ARHGAP5: variants seen among roughly 807,000 people sequenced by gnomAD.
ARHGAP5 encodes the protein rho GTPase-activating protein 5.
ARHGAP5 carries 23 observed loss-of-function variants against 116.6 expected under a neutral mutation model. That is an observed-to-expected ratio of 0.20 (90% CI 0.14 to 0.28). The LOEUF is 0.28. Among genes scored for constraint, ARHGAP5 ranks in the 10% least tolerant of loss-of-function variants. ARHGAP5 has a pLI of 1.00. For missense variants in ARHGAP5, 1,405 were observed against 1,774.8 expected (o/e 0.79, Z 3.74); for synonymous variants, 574 against 602.0 (o/e 0.95, Z 0.68).
At chr14:32,095,939 GT>G (rs1041609674) in intron 2 of ARHGAP5, among the ~76,000 whole-genome samples, 10 of 149,914 alleles carry the variant, frequency 6.7e-5, no homozygotes, top group African/African-American at 1.5e-4. Context: ...TTATTTTTGT[GT>G]TTTTTTTTCC....
At position 32,152,547 on chromosome 14, in the gene ARHGAP5, G is replaced by C. The variant is rs372548215; in HGVS notation, c.4181+19G>C. Reference sequence around the variant, plus strand: ...TAAACAGGTATTTTTATTTTTTTAGGGTTTTTTGGCAAATAAAATGCACTA... The same window carrying C: ...TAAACAGGTATTTTTATTTTTTTAGCGTTTTTTGGCAAATAAAATGCACTA... On this transcript the variant is annotated intron_variant, in intron 6 of 6. Coordinates refer to ENST00000345122, the MANE Select transcript of ARHGAP5 (RefSeq NM_001030055.2). The C allele has an allele frequency of 3.2e-5, 46 of 1,421,918 alleles. No homozygotes were observed. The highest frequency in any genetic ancestry group is 3.8e-5 in the Non-Finnish European group (40 of 1,049,456). The allele number at this position is 1,421,918 out of a possible 1,614,324, so 88.1% of individuals were successfully genotyped here.
intron 3 of ARHGAP5, among the ~76,000 whole-genome samples, chr14:32,141,317 C>G (rs1017339058): frequency 6.6e-6 from 1 of 152,082 alleles, no homozygotes; most frequent in African/African-American, 2.4e-5. Context: ...AGTCATTACC[C>G]TGCAGATTAC....
intron 2 of ARHGAP5, among the ~76,000 whole-genome samples, chr14:32,110,929 G>A (rs1398022022): frequency 6.6e-6 from 1 of 152,200 alleles, no homozygotes; most frequent in Non-Finnish European, 1.5e-5. Flanking sequence ...GATGGAGAAG[G>A]CTGCAGATAG....
rs189453295 is a variant in ARHGAP5, at chr14:32,086,567, G to A, written c.-168-3935G>A. Among the ~76,000 whole-genome samples, 25 of 150,612 alleles carry A rather than the reference G, an allele frequency of 1.7e-4. No individual in the cohort carries two copies. In the East Asian group the frequency reaches 4.2e-3, roughly 26 times the overall value. The stretch of plus-strand genomic sequence containing the variant: ...AAGATAGGACCATTAGGAATTTCCT[G>A]ACATGGTATAATTTAAAAGCATAAA... On this transcript the variant is annotated intron_variant, in intron 1 of 6. Transcript: ENST00000345122.
At chr14:32,087,106 G>C (rs2041836995) in intron 1 of ARHGAP5, among the ~76,000 whole-genome samples, 1 of 151,874 alleles carries the variant, frequency 6.6e-6, no homozygotes, top group South Asian at 2.1e-4. Context: ...AAGACTGAAA[G>C]GAATTTTTAA....
At chr14:32,144,607 C>T (rs1881291131) in intron 3 of ARHGAP5, among the ~76,000 whole-genome samples, 2 of 151,988 alleles carry the variant, frequency 1.3e-5, no homozygotes, top group African/African-American at 4.8e-5. Flanking sequence ...CCTTAGCCTC[C>T]CAAGTAACTG....
In ARHGAP5 at chr14:32,155,098, CACT is replaced by C. The variant is rs1361802361; in HGVS notation, c.*151_*153del. 10 of 695,008 alleles carry C rather than the reference CACT, an allele frequency of 1.4e-5. 1 individual carries two copies. Among genetic ancestry groups the C allele is most frequent in the African/African-American group, 1.1e-4 (6 of 55,638 alleles). 43.1% of individuals were successfully genotyped at this position (695,008 alleles called of 1,614,324 possible). A position where few individuals can be genotyped will look rare whatever the true frequency, so the allele number is the denominator to read the frequency against. ...TTTGAACTAGATGGTATTCCTTATT[CACT>C]TACATTACAAATCTAAGACCATGTG... On this transcript the variant is annotated 3_prime_UTR_variant, in exon 7 of 7. Coordinates refer to ENST00000345122, the MANE Select transcript of ARHGAP5 (RefSeq NM_001030055.2).
At position 32,093,664 on chromosome 14, in the gene ARHGAP5, CAGTT is replaced by C; in HGVS notation, c.2996_2999del (p.Gln999ArgfsTer13). 6.2e-7 allele frequency: 1 copy of C among 1,613,916 alleles called. No individual in the cohort carries two copies. The highest frequency in any genetic ancestry group is 8.5e-7 in the Non-Finnish European group (1 of 1,179,902). On this transcript the variant is annotated frameshift_variant, in exon 2 of 7. Coordinates refer to ENST00000345122, the MANE Select transcript of ARHGAP5 (RefSeq NM_001030055.2). LOFTEE classifies it high-confidence loss of function. ...TTATAGTCCAATTGGGGATGATGTA[CAGTT>C]GCTTCCAACACCTAGTGACCGTTCC...
rs1414473201 is a variant in ARHGAP5, at chr14:32,158,664, A to G, written c.*3716A>G. 2.0e-5 allele frequency: 3 copies of G among 151,942 alleles called. No homozygotes were observed. The highest frequency in any genetic ancestry group is 4.8e-5 in the African/African-American group (2 of 41,428). 9.4% of individuals were successfully genotyped at this position (151,942 alleles called of 1,614,324 possible). On this transcript the variant is annotated 3_prime_UTR_variant, in exon 7 of 7. Transcript: ENST00000345122. Reference sequence around the variant, plus strand: ...TAATTTGTTTCAATACATATGGGACATGGTTGATTTTTTTACTGTATTAGA... The same window carrying G: ...TAATTTGTTTCAATACATATGGGACGTGGTTGATTTTTTTACTGTATTAGA...
chr14:32,132,710 T>C (rs1880569478), intron 3 of ARHGAP5, among the ~76,000 whole-genome samples: 1 of 149,844 alleles, frequency 6.7e-6, no homozygotes, highest in Non-Finnish European at 1.5e-5. Flanking sequence ...AGGGTTTTTA[T>C]GGTTTTAGGT....
chr14:32,123,369 T>TC (rs1484334356), intron 3 of ARHGAP5, among the ~76,000 whole-genome samples: 1 of 152,056 alleles, frequency 6.6e-6, no homozygotes, highest in Non-Finnish European at 1.5e-5. Flanking sequence ...ACTTTTTTTT[T>TC]CTGTATGGCC....
rs1265116477 is a variant in ARHGAP5, at chr14:32,156,685, C to G, written c.*1737C>G. 5.3e-5 allele frequency: 8 copies of G among 152,248 alleles called. No individual in the cohort carries two copies. Among genetic ancestry groups the G allele is most frequent in the Non-Finnish European group, 1.0e-4 (7 of 67,790 alleles). The allele number at this position is 152,248 out of a possible 1,614,324, so 9.4% of individuals were successfully genotyped here. ...CTTAACCTGTTCTATATTACTTATACCTATTGTCTATATAGCTTTAATTTA... is the reference window on the plus strand; with the variant it reads ...CTTAACCTGTTCTATATTACTTATAGCTATTGTCTATATAGCTTTAATTTA... On this transcript the variant is annotated 3_prime_UTR_variant, in exon 7 of 7. Coordinates refer to ENST00000345122, the MANE Select transcript of ARHGAP5 (RefSeq NM_001030055.2).
At chr14:32,106,849 A>G (rs1010424514) in intron 2 of ARHGAP5, among the ~76,000 whole-genome samples, 3 of 152,194 alleles carry the variant, frequency 2.0e-5, no homozygotes, top group Non-Finnish European at 4.4e-5. Flanking sequence ...AATAAATGGC[A>G]GTTTCTGGTG....
chr14:32,135,117 T>C (rs1329582055), intron 3 of ARHGAP5, among the ~76,000 whole-genome samples: 1 of 152,200 alleles, frequency 6.6e-6, no homozygotes, highest in Non-Finnish European at 1.5e-5. Context: ...ATTTTGTTCC[T>C]TCCAATCCAG....
At chr14:32,145,461 G>A (rs1217282660) in intron 3 of ARHGAP5, among the ~76,000 whole-genome samples, 9 of 152,134 alleles carry the variant, frequency 5.9e-5, no homozygotes, top group Non-Finnish European at 1.5e-5. Flanking sequence ...TGTTGCTGTT[G>A]TTGGGTTTTA....
intron 1 of ARHGAP5, among the ~76,000 whole-genome samples, chr14:32,080,102 A>G (rs993830516): frequency 1.6e-4 from 25 of 151,954 alleles, no homozygotes; most frequent in African/African-American, 6.0e-4. Context: ...AATAGGAAAA[A>G]CCATATTAGA....
rs1881986708 is a variant in ARHGAP5, at chr14:32,158,339, T to C, written c.*3391T>C. The C allele has an allele frequency of 6.6e-6, 1 of 151,992 alleles. No individual in the cohort carries two copies. Among genetic ancestry groups the C allele is most frequent in the Admixed American group, 6.6e-5 (1 of 15,260 alleles). The allele number at this position is 151,992 out of a possible 1,614,324, so 9.4% of individuals were successfully genotyped here. A position where few individuals can be genotyped will look rare whatever the true frequency, so the allele number is the denominator to read the frequency against. On this transcript the variant is annotated 3_prime_UTR_variant, in exon 7 of 7. Coordinates refer to ENST00000345122, the MANE Select transcript of ARHGAP5 (RefSeq NM_001030055.2). ...TGTATATAGGTGAAAATTTGATTTT[T>C]TAAATTATCAGGAAAACAAGATAAT... is the stretch of plus-strand genomic sequence containing the variant.
intron 1 of ARHGAP5, among the ~76,000 whole-genome samples, chr14:32,080,896 G>A (rs925464811): frequency 4.6e-5 from 7 of 152,038 alleles, no homozygotes; most frequent in African/African-American, 1.4e-4. Context: ...ATTATTACTT[G>A]GGAAAAAGAG....
chr14:32,094,232 G>C lies in ARHGAP5; in HGVS notation c.3563G>C (p.Arg1188Thr), dbSNP rs1878412064. The change falls in exon 2 of 7, where the codon AGA becomes ACA. Residue 1188 changes from arginine (R) to threonine (T), a missense_variant. Coordinates refer to ENST00000345122, the MANE Select transcript of ARHGAP5 (RefSeq NM_001030055.2). ...DEAFTTSKTK[R>T]KGRHRGSEED... ...GCTTTCACCACTTCTAAAACAAAAA[G>C]AAAAGGAAGACATCGTGGAAGTGAA... 2.5e-6 allele frequency: 4 copies of C among 1,613,114 alleles called. No individual in the cohort carries two copies. The highest frequency in any genetic ancestry group is 3.4e-6 in the Non-Finnish European group (4 of 1,179,852).
Sources: allele counts gnomAD v4.1 joint callset (sites outside exome capture counted in the v4.1 genomes callset), GRCh38; gene constraint gnomAD v4.1.1; transcripts MANE v1.5; gene names NCBI Gene and HGNC (gene_info 2026-07-23, HGNC 2026-07-21).